Variants in FOXJ3 observed in about 807,000 individuals in gnomAD.
The protein encoded by FOXJ3 is forkhead box protein J3.
FOXJ3 carries 22 observed loss-of-function variants against 76.1 expected under a neutral mutation model. The observed-to-expected ratio is 0.29, with a 90% CI of 0.21 to 0.41. FOXJ3 has a LOEUF of 0.41. Ranked by LOEUF, FOXJ3 falls within the 10% of genes least tolerant of loss-of-function variation. FOXJ3 has a pLI of 1.00. For missense variants in FOXJ3, 613 were observed against 762.1 expected (o/e 0.80, Z 2.30); for synonymous variants, 269 against 261.2 (o/e 1.03, Z -0.29).
chr1:42,236,690 T>C lies in FOXJ3; in HGVS notation c.445-8724A>G, dbSNP rs144222352. 4.6e-3 allele frequency among the ~76,000 whole-genome samples: 705 copies of C among 152,324 alleles called. 4 individuals are homozygous for C. The highest frequency in any genetic ancestry group is 0.016 in the African/African-American group (679 of 41,574). On this transcript the variant is annotated intron_variant, in intron 4 of 12. Coordinates refer to ENST00000361346, the MANE Select transcript of FOXJ3 (RefSeq NM_014947.5). ...CTTTCCTTAGCCTTCTCTCATCCCA[T>C]ACAACCACTGATTCCTATCATTGTG...
At chr1:42,243,254 T>G (rs1649291770) in intron 4 of FOXJ3, among the ~76,000 whole-genome samples, 1 of 152,092 alleles carries the variant, frequency 6.6e-6, no homozygotes, top group African/African-American at 2.4e-5. Context: ...AAAAACTCAC[T>G]GGTAGAACGA....
At chr1:42,267,409 G>A (rs1258762803) in intron 3 of FOXJ3, among the ~76,000 whole-genome samples, 1 of 152,062 alleles carries the variant, frequency 6.6e-6, no homozygotes, top group Non-Finnish European at 1.5e-5. Context: ...GTATACTGAA[G>A]ATAAAGACAT....
At chr1:42,244,195 A>G (rs951272733) in intron 4 of FOXJ3, among the ~76,000 whole-genome samples, 1 of 152,224 alleles carries the variant, frequency 6.6e-6, no homozygotes, top group Non-Finnish European at 1.5e-5. Context: ...AGGAAAGTTT[A>G]TAACAATAAA....
At chr1:42,188,702 A>C (rs762699572) in intron 11 of FOXJ3, 35 bp downstream of exon 11, 9 of 1,391,394 alleles carry the variant, frequency 6.5e-6, no homozygotes, top group Non-Finnish European at 8.6e-6. Context: ...CGAATGAGAA[A>C]ATGAGAAAAA....
In FOXJ3 at chr1:42,196,126, T is replaced by C. The variant is rs565464609; in HGVS notation, c.760-1062A>G. 1.6e-4 allele frequency among the ~76,000 whole-genome samples: 25 copies of C among 152,364 alleles called. No individual in the cohort carries two copies. The South Asian group carries it at 5.0e-3, about 30-fold the overall frequency. ...AGGTTATAAAACTGCTTAGTTGCAC[T>C]ATGGAATTTGTTCCTCTATTACAGA... On this transcript the variant is annotated intron_variant, in intron 7 of 12. Coordinates refer to ENST00000361346, the MANE Select transcript of FOXJ3 (RefSeq NM_014947.5).
intron 4 of FOXJ3, among the ~76,000 whole-genome samples, chr1:42,251,706 A>ATTTTTTTTT (rs1168120638): frequency 2.3e-5 from 2 of 87,566 alleles, no homozygotes; most frequent in African/African-American, 9.8e-5. Flanking sequence ...GTTTGCCAGT[A>ATTTTTTTTT]TTTTTTTTTT....
Position 42,310,450 on chromosome 1 carries a change from C to CT in FOXJ3, c.44+599dup, listed in dbSNP as rs774256648. ...TGAGCCACCGCACCTGGGCTTTTTT[C>CT]TTTTTTTTTTTTTTTAGGACAGAGT... On this transcript the variant is annotated intron_variant, in intron 2 of 12. Transcript: ENST00000361346. Among the ~76,000 whole-genome samples the CT allele has an allele frequency of 8.4e-3, 1,098 of 130,126 alleles. 15 individuals are homozygous for CT. The highest frequency in any genetic ancestry group is 0.024 in the African/African-American group (866 of 35,374). 85.4% of individuals were successfully genotyped at this position (130,126 alleles called of 152,430 possible). A position where few individuals can be genotyped will look rare whatever the true frequency, so the allele number is the denominator to read the frequency against.
At chr1:42,323,665 G>C (rs1480376188) in intron 1 of FOXJ3, 46 of 977,066 alleles carry the variant, frequency 4.7e-5, no homozygotes, top group Non-Finnish European at 5.6e-5. Flanking sequence ...CTTGCTAAGA[G>C]ACTATGCCTC....
At chr1:42,223,130 G>C (rs1023106070) in intron 5 of FOXJ3, among the ~76,000 whole-genome samples, 1 of 152,176 alleles carries the variant, frequency 6.6e-6, no homozygotes. Flanking sequence ...ACAGAATAAA[G>C]ATCTGTCAAA....
chr1:42,265,958 A>G (rs576778082), intron 3 of FOXJ3, among the ~76,000 whole-genome samples: 6 of 152,256 alleles, frequency 3.9e-5, no homozygotes, highest in African/African-American at 7.2e-5. Context: ...CTGTACCCCA[A>G]TTCTTACAGA....
intron 12 of FOXJ3, 45 bp from the exon 13 acceptor site, chr1:42,179,870 AAAGT>A: frequency 7.9e-7 from 1 of 1,263,888 alleles, no homozygotes; most frequent in Non-Finnish European, 1.2e-6. Context: ...GGTAGAGAAG[AAAGT>A]AAGAAATAAA....
At chr1:42,268,008 C>A (rs2124638407) in intron 3 of FOXJ3, among the ~76,000 whole-genome samples, 2 of 151,716 alleles carry the variant, frequency 1.3e-5, no homozygotes, top group South Asian at 4.2e-4. Flanking sequence ...CAATTAAAGT[C>A]CCAGAAGGAG....
At chr1:42,267,679 T>A (rs1372014433) in intron 3 of FOXJ3, among the ~76,000 whole-genome samples, 1 of 151,406 alleles carries the variant, frequency 6.6e-6, no homozygotes, top group Non-Finnish European at 1.5e-5. Context: ...AAAATTAAAA[T>A]AACCATGCTT....
At chr1:42,187,289 C>A (rs182298414) in intron 11 of FOXJ3, among the ~76,000 whole-genome samples, 35 of 152,316 alleles carry the variant, frequency 2.3e-4, no homozygotes, top group African/African-American at 7.9e-4. Context: ...TCACTTAGTA[C>A]TTTTTGAGGC....
chr1:42,208,547 A>G (rs1646903740), intron 5 of FOXJ3, among the ~76,000 whole-genome samples: 2 of 152,246 alleles, frequency 1.3e-5, no homozygotes, highest in Admixed American at 6.5e-5. Flanking sequence ...CCTCAACACA[A>G]TAAAGGTCAC....
intron 2 of FOXJ3, among the ~76,000 whole-genome samples, chr1:42,278,880 T>A (rs1207366237): frequency 6.6e-6 from 1 of 152,138 alleles, no homozygotes; most frequent in Non-Finnish European, 1.5e-5. Context: ...CACCAAAACA[T>A]AACAAACTTG....
At chr1:42,326,067 A>AT (rs961313688) in intron 1 of FOXJ3, among the ~76,000 whole-genome samples, 1 of 152,130 alleles carries the variant, frequency 6.6e-6, no homozygotes, top group Non-Finnish European at 1.5e-5. Flanking sequence ...CCTGGCCAAC[A>AT]TGGTGAAACC....
At chr1:42,240,191 TG>T (rs1196285400) in intron 4 of FOXJ3, among the ~76,000 whole-genome samples, 1 of 152,212 alleles carries the variant, frequency 6.6e-6, no homozygotes, top group Admixed American at 6.5e-5. Context: ...TTTAGTTTTT[TG>T]TTTGTTTTTA....
At chr1:42,272,824 TC>T (rs1265326634) in intron 3 of FOXJ3, among the ~76,000 whole-genome samples, 2 of 152,216 alleles carry the variant, frequency 1.3e-5, no homozygotes, top group African/African-American at 4.8e-5. Context: ...ACCAAGCTCT[TC>T]AGTTTGGCAT....
Sources: gnomAD v4.1 joint callset for allele counts (sites outside exome capture counted in the v4.1 genomes callset) on GRCh38, gnomAD v4.1.1 for gene constraint, MANE v1.5 for transcripts, NCBI Gene and HGNC (gene_info 2026-07-23, HGNC 2026-07-21) for gene names.